The following CELF4 variants were observed in gnomAD, a reference collection of about 807,000 sequenced individuals.
The protein encoded by CELF4 is CUGBP Elav-like family member 4.
In CELF4, 18 loss-of-function variants were observed where a neutral mutation model predicts 59.9. That is an observed-to-expected ratio of 0.30 (90% confidence interval 0.21 to 0.45). The LOEUF is 0.45. Ranked by LOEUF, CELF4 falls within the 20% of genes least tolerant of loss-of-function variation. The probability of loss-of-function intolerance (pLI) is 1.00; values close to 1 mark genes in which losing one functional copy is unlikely to be tolerated. For missense variants in CELF4, 456 were observed against 689.0 expected, an observed-to-expected ratio of 0.66 and a Z score of 3.79; for synonymous variants, 261 against 267.1, an observed-to-expected ratio of 0.98 and a Z score of 0.22.
At chr18:37,491,334 T>C (rs141399984) in intron 1 of CELF4, among the ~76,000 whole-genome samples, 6 of 152,212 alleles carry the variant, frequency 3.9e-5, no homozygotes, top group Non-Finnish European at 8.8e-5. Context: ...TACTTGAGAT[T>C]CTATCACATA....
At chr18:37,381,381 G>A (rs2099039027) in intron 2 of CELF4, among the ~76,000 whole-genome samples, 1 of 152,094 alleles carries the variant, frequency 6.6e-6, no homozygotes, top group African/African-American at 2.4e-5. Flanking sequence ...CTCATGTTCT[G>A]TTTCTGCTTG....
At chr18:37,506,749 A>G (rs1205460857) in intron 1 of CELF4, among the ~76,000 whole-genome samples, 3 of 152,178 alleles carry the variant, frequency 2.0e-5, no homozygotes, top group Non-Finnish European at 4.4e-5. Context: ...CAGCGCCATT[A>G]AACGCAATGT....
intron 2 of CELF4, among the ~76,000 whole-genome samples, chr18:37,365,813 C>T (rs1038149080): frequency 2.0e-5 from 3 of 152,072 alleles, no homozygotes; most frequent in African/African-American, 7.2e-5. Context: ...AAAACTAAGG[C>T]AACAGCCGGA....
intron 2 of CELF4, among the ~76,000 whole-genome samples, chr18:37,470,366 C>A (rs1186854057): frequency 6.6e-6 from 1 of 152,182 alleles, no homozygotes; most frequent in African/African-American, 2.4e-5. Context: ...AACTTGGAAG[C>A]ACTGTTGGGT....
chr18:37,265,124 C>T (rs1248875512), intron 9 of CELF4, among the ~76,000 whole-genome samples: 1 of 147,884 alleles, frequency 6.8e-6, no homozygotes, highest in Non-Finnish European at 1.5e-5. Flanking sequence ...TGTGTGTGTA[C>T]ATTACATGCA....
At chr18:37,273,205 G>A (rs1315205254) in intron 6 of CELF4, 42 bp from the exon 7 acceptor site, 1 of 1,586,826 alleles carries the variant, frequency 6.3e-7, no homozygotes, top group Non-Finnish European at 8.6e-7. Flanking sequence ...TGCTTCCAGG[G>A]GGCATCCCTC....
At chr18:37,274,980 G>C in intron 4 of CELF4, 96 bp from the exon 5 acceptor site, 4 of 1,539,288 alleles carry the variant, frequency 2.6e-6, no homozygotes. Flanking sequence ...AGACGGGTGA[G>C]GCAGAGATTG....
In CELF4 at chr18:37,244,664, G is replaced by A. The variant is rs1180915336; in HGVS notation, c.*578C>T. Reference sequence around the variant, plus strand: ...AGAACAGCCATGAGGCAGGAAGGAGGGGGTCCTCCATTCCCCCTCTATTTG... The same window carrying A: ...AGAACAGCCATGAGGCAGGAAGGAGAGGGTCCTCCATTCCCCCTCTATTTG... On this transcript the variant is annotated 3_prime_UTR_variant, in exon 13 of 13. Transcript: ENST00000420428. The A allele has an allele frequency of 2.0e-5, 3 of 152,308 alleles. No homozygotes were observed. The highest frequency in any genetic ancestry group is 7.3e-5 in the African/African-American group (3 of 41,352). 9.4% of individuals were successfully genotyped at this position (152,308 alleles called of 1,614,324 possible).
chr18:37,258,410 T>G (rs951405691), intron 11 of CELF4, among the ~76,000 whole-genome samples: 4 of 152,072 alleles, frequency 2.6e-5, no homozygotes, highest in Non-Finnish European at 5.9e-5. Context: ...CCTTCCTTTT[T>G]GTGTATTTAT....
chr18:37,540,171 T>C (rs1440730772), intron 1 of CELF4, among the ~76,000 whole-genome samples: 4 of 152,082 alleles, frequency 2.6e-5, no homozygotes, highest in Non-Finnish European at 2.9e-5. Flanking sequence ...TGAGAGAAGT[T>C]TGGGGTGGGG....
intron 1 of CELF4, among the ~76,000 whole-genome samples, chr18:37,508,329 G>C (rs2099940493): frequency 6.6e-6 from 1 of 152,154 alleles, no homozygotes. Flanking sequence ...GGATGAGCCA[G>C]GGGAGAGCGT....
At chr18:37,422,541 A>G (rs575971015) in intron 2 of CELF4, among the ~76,000 whole-genome samples, 10 of 152,336 alleles carry the variant, frequency 6.6e-5, no homozygotes, top group African/African-American at 2.4e-4. Flanking sequence ...GGGAGCCTGG[A>G]GGAGGGAGCA....
intron 1 of CELF4, among the ~76,000 whole-genome samples, chr18:37,493,949 C>A (rs1197049504): frequency 1.3e-5 from 2 of 152,170 alleles, no homozygotes. Context: ...ACTCTTTCTG[C>A]CCTTTGTACC....
chr18:37,412,171 C>T lies in CELF4; in HGVS notation c.369+73354G>A, dbSNP rs117018932. 4.8e-3 allele frequency among the ~76,000 whole-genome samples: 729 copies of T among 152,300 alleles called. 2 individuals are homozygous for T. Among genetic ancestry groups the T allele is most frequent in the Non-Finnish European group, 4.7e-3 (323 of 68,018 alleles). On this transcript the variant is annotated intron_variant, in intron 2 of 12. Coordinates refer to ENST00000420428, the MANE Select transcript of CELF4 (RefSeq NM_020180.4). ...AGAGTACCTACTGTGGCTTAGGAGC[C>T]GAATGTCCATTGCTGGACAAAACAG...
intron 3 of CELF4, among the ~76,000 whole-genome samples, chr18:37,289,517 C>T (rs2154409584): frequency 6.6e-6 from 1 of 152,228 alleles, no homozygotes; most frequent in South Asian, 2.1e-4. Flanking sequence ...GTGAAGGCCC[C>T]CGCTTGCTAG....
At chr18:37,421,436 C>A (rs979160683) in intron 2 of CELF4, among the ~76,000 whole-genome samples, 2 of 152,244 alleles carry the variant, frequency 1.3e-5, no homozygotes, top group Admixed American at 1.3e-4. Context: ...CAGCTTTCTT[C>A]TTTAGCTGTG....
chr18:37,307,656 G>T (rs2096483223), intron 3 of CELF4, among the ~76,000 whole-genome samples: 1 of 152,096 alleles, frequency 6.6e-6, no homozygotes, highest in Admixed American at 6.5e-5. Context: ...AGAGCCTGAA[G>T]GTAGGGAGGA....
chr18:37,398,427 A>G (rs750924101), intron 2 of CELF4, among the ~76,000 whole-genome samples: 7 of 152,192 alleles, frequency 4.6e-5, no homozygotes, highest in Non-Finnish European at 1.0e-4. Context: ...TAGCTGCTCC[A>G]TGATGTGGTT....
At chr18:37,444,650 ACACG>A (rs2099743005) in intron 2 of CELF4, among the ~76,000 whole-genome samples, 1 of 136,500 alleles carries the variant, frequency 7.3e-6, no homozygotes, top group African/African-American at 2.7e-5. Context: ...ACACACACAC[ACACG>A]CGAACGATGC....
Sources: gnomAD v4.1 joint callset for allele counts (sites outside exome capture counted in the v4.1 genomes callset) on GRCh38, gnomAD v4.1.1 for gene constraint, MANE v1.5 for transcripts, NCBI Gene and HGNC (gene_info 2026-07-23, HGNC 2026-07-21) for gene names.